Variants in RHOA observed in about 807,000 individuals in gnomAD.
The protein encoded by RHOA is ras homolog family member A.
A neutral mutation model predicts 17.5 loss-of-function variants in RHOA; 3 were observed. The ratio of observed to expected loss-of-function variants is 0.17; its 90% CI spans 0.08 to 0.44. The LOEUF is 0.44. Among genes scored for constraint, RHOA ranks in the 20% least tolerant of loss-of-function variants. The pLI, the probability that RHOA is intolerant of heterozygous loss-of-function variation, is 0.99. For synonymous variants in RHOA, 98 were observed against 88.4 expected (o/e 1.11, Z -0.61); for missense variants, 56 against 242.3 (o/e 0.23, Z 5.10).
At chr3:49,399,163 A>G (rs956309868) in intron 1 of RHOA, among the ~76,000 whole-genome samples, 1 of 150,742 alleles carries the variant, frequency 6.6e-6, no homozygotes, top group Non-Finnish European at 1.5e-5. Flanking sequence ...AGGTCAGGAG[A>G]TCAAGACCAC....
chr3:49,407,836 C>T (rs2048860473), intron 1 of RHOA, among the ~76,000 whole-genome samples: 1 of 152,018 alleles, frequency 6.6e-6, no homozygotes, highest in African/African-American at 2.4e-5. Flanking sequence ...TTCCTCTTTC[C>T]CTTCACTTAA....
chr3:49,364,975 A>T (rs554722866), intron 3 of RHOA, among the ~76,000 whole-genome samples: 7 of 152,120 alleles, frequency 4.6e-5, no homozygotes, highest in Non-Finnish European at 1.0e-4. Context: ...TGTCTCAAAA[A>T]AACAAAAATA....
At chr3:49,379,853 G>A (rs1362752823) in intron 1 of RHOA, among the ~76,000 whole-genome samples, 1 of 152,214 alleles carries the variant, frequency 6.6e-6, no homozygotes, top group South Asian at 2.1e-4. Flanking sequence ...AAGGTGAATT[G>A]TAAGATATGT....
At chr3:49,387,122 A>C (rs1388054422) in intron 1 of RHOA, among the ~76,000 whole-genome samples, 1 of 7,678 alleles carries the variant, frequency 1.3e-4, no homozygotes, top group East Asian at 0.012. Context: ...CGTCTCAAAA[A>C]AAAAAAAAAA....
Position 49,360,032 on chromosome 3 carries a change from A to AC in RHOA, c.*176dup. On this transcript the variant is annotated 3_prime_UTR_variant, in exon 5 of 5. Coordinates refer to ENST00000418115, the MANE Select transcript of RHOA (RefSeq NM_001664.4). ...TGTCAAAAGGACCCTGGTGGGCCAGACGGGTTGGACATCGTTAATAATCAT... is the reference window on the plus strand; with the variant it reads ...TGTCAAAAGGACCCTGGTGGGCCAGACCGGGTTGGACATCGTTAATAATCAT... The AC allele has an allele frequency of 1.5e-6, 1 of 682,784 alleles. No individual in the cohort carries two copies. Among genetic ancestry groups the AC allele is most frequent in the Non-Finnish European group, 2.3e-6 (1 of 432,884 alleles). 42.3% of individuals were successfully genotyped at this position (682,784 alleles called of 1,614,324 possible).
intron 1 of RHOA, among the ~76,000 whole-genome samples, chr3:49,390,292 G>A (rs915082139): frequency 2.0e-5 from 3 of 151,994 alleles, no homozygotes; most frequent in Admixed American, 6.6e-5. Flanking sequence ...CCGCCACCAC[G>A]CCCAGCTAAT....
At chr3:49,374,625 G>C (rs895286173) in intron 2 of RHOA, among the ~76,000 whole-genome samples, 1 of 152,124 alleles carries the variant, frequency 6.6e-6, no homozygotes, top group African/African-American at 2.4e-5. Context: ...TGGAGGCTGA[G>C]GCAAAAGAAT....
chr3:49,406,966 G>C (rs1446751099), intron 1 of RHOA, among the ~76,000 whole-genome samples: 2 of 151,932 alleles, frequency 1.3e-5, no homozygotes, highest in Admixed American at 6.6e-5. Context: ...AACATGGTGA[G>C]ATCCCGTCTT....
intron 1 of RHOA, among the ~76,000 whole-genome samples, chr3:49,384,355 A>G (rs1470529791): frequency 6.6e-6 from 1 of 152,184 alleles, no homozygotes; most frequent in Non-Finnish European, 1.5e-5. Context: ...AAAGGAAATC[A>G]CGCTTAGCTC....
chr3:49,386,757 C>T (rs2048401818), intron 1 of RHOA, among the ~76,000 whole-genome samples: 1 of 152,122 alleles, frequency 6.6e-6, no homozygotes, highest in Admixed American at 6.6e-5. Context: ...CAAACTCAGT[C>T]TCTGATGTAT....
intron 1 of RHOA, among the ~76,000 whole-genome samples, chr3:49,392,946 G>C (rs1027112083): frequency 3.3e-5 from 5 of 152,196 alleles, no homozygotes; most frequent in South Asian, 4.2e-4. Context: ...GGAGGTCAAG[G>C]GGGGTAGATC....
intron 1 of RHOA, among the ~76,000 whole-genome samples, chr3:49,381,774 A>C (rs570708690): frequency 6.6e-6 from 1 of 151,686 alleles, no homozygotes; most frequent in South Asian, 2.1e-4. Context: ...CTGAGGCAGG[A>C]GAATCACTTG....
intron 1 of RHOA, among the ~76,000 whole-genome samples, chr3:49,408,943 C>T (rs924021223): frequency 6.6e-6 from 1 of 151,974 alleles, no homozygotes; most frequent in African/African-American, 2.4e-5. Flanking sequence ...CAGGCGCCCG[C>T]CACCACACCC....
chr3:49,407,027 G>C (rs2048842184), intron 1 of RHOA, among the ~76,000 whole-genome samples: 1 of 151,082 alleles, frequency 6.6e-6, no homozygotes, highest in Admixed American at 6.6e-5. Flanking sequence ...CACACCTGTA[G>C]TCCCAGCTAC....
chr3:49,360,953 A>G (rs2107827245), intron 4 of RHOA: 1 of 360,268 alleles, frequency 2.8e-6, no homozygotes, highest in Non-Finnish European at 5.5e-6. Flanking sequence ...GGCGCCTGTA[A>G]CCCCAGCTAC....
intron 1 of RHOA, among the ~76,000 whole-genome samples, chr3:49,403,506 G>C (rs931301072): frequency 2.0e-5 from 3 of 151,816 alleles, no homozygotes; most frequent in Non-Finnish European, 4.4e-5. Context: ...CTTAAGGCCA[G>C]GAGTTCAAGA....
chr3:49,390,026 A>T (rs1255040176), intron 1 of RHOA, among the ~76,000 whole-genome samples: 1 of 152,102 alleles, frequency 6.6e-6, no homozygotes, highest in Non-Finnish European at 1.5e-5. Flanking sequence ...AGACAGAAGC[A>T]AATCAGTTTC....
At chr3:49,385,345 C>T (rs2048379865) in intron 1 of RHOA, among the ~76,000 whole-genome samples, 1 of 151,136 alleles carries the variant, frequency 6.6e-6, no homozygotes, top group African/African-American at 2.4e-5. Context: ...CTCAGCCTCC[C>T]AAATAGCTGG....
intron 1 of RHOA, among the ~76,000 whole-genome samples, chr3:49,403,567 A>G (rs1238782734): frequency 6.6e-6 from 1 of 151,740 alleles, no homozygotes; most frequent in Non-Finnish European, 1.5e-5. Context: ...AAAAAATTAC[A>G]AAATAAAAAT....
Sources: allele counts gnomAD v4.1 joint callset (sites outside exome capture counted in the v4.1 genomes callset), GRCh38; gene constraint gnomAD v4.1.1; transcripts MANE v1.5; gene names NCBI Gene and HGNC (gene_info 2026-07-23, HGNC 2026-07-21).